Variants in ROBO1 observed in about 807,000 individuals in gnomAD.
ROBO1 encodes the protein roundabout homolog 1.
Under a neutral mutation model 195.9 loss-of-function variants are expected in ROBO1, and 149 were observed. The ratio of observed to expected loss-of-function variants is 0.76; its 90% CI spans 0.67 to 0.87. The LOEUF (loss-of-function observed/expected upper bound fraction) is 0.87. Ranked by LOEUF, ROBO1 falls within the 40% of genes least tolerant of loss-of-function variation. The pLI, the probability that ROBO1 is intolerant of heterozygous loss-of-function variation, is 0.00. For missense variants in ROBO1, 1,933 were observed against 2,068.3 expected, an observed-to-expected ratio of 0.93 and a Z score of 1.27; for synonymous variants, 816 against 733.2, an observed-to-expected ratio of 1.11 and a Z score of -1.82.
At chr3:79,689,477 C>T (rs998348145) in intron 1 of ROBO1, among the ~76,000 whole-genome samples, 3 of 151,764 alleles carry the variant, frequency 2.0e-5, no homozygotes, top group Non-Finnish European at 4.4e-5. Context: ...TTTTGCTATA[C>T]GAGGCTGCTT....
chr3:79,354,360 T>G (rs1055279332), intron 2 of ROBO1, among the ~76,000 whole-genome samples: 3 of 152,222 alleles, frequency 2.0e-5, no homozygotes, highest in African/African-American at 7.2e-5. Context: ...TTCCATCATC[T>G]TATCTCAATC....
Position 78,606,715 on chromosome 3 carries a change from GC to G in ROBO1, c.4744+17del, listed in dbSNP as rs760630589. 3.1e-6 allele frequency: 5 copies of G among 1,609,402 alleles called. No individual in the cohort carries two copies. Among genetic ancestry groups the G allele is most frequent in the East Asian group, 4.5e-5 (2 of 44,800 alleles). ...CACACTCAATCTGTATTTATTTGCT[GC>G]TTGATTGGATGAGTACCTTGGATGA... On this transcript the variant is annotated intron_variant, in intron 29 of 30. Transcript: ENST00000464233.
At chr3:78,909,185 G>A (rs1324297836) in intron 4 of ROBO1, among the ~76,000 whole-genome samples, 2 of 151,614 alleles carry the variant, frequency 1.3e-5, no homozygotes, top group Non-Finnish European at 3.0e-5. Context: ...TACGCCCTGC[G>A]AGAGTCAAAC....
chr3:79,321,899 G>T (rs2033996203), intron 2 of ROBO1, among the ~76,000 whole-genome samples: 1 of 152,130 alleles, frequency 6.6e-6, no homozygotes, highest in African/African-American at 2.4e-5. Flanking sequence ...TATTAGCTGA[G>T]GTAAGTAGTT....
chr3:79,030,903 G>A (rs1241106599), intron 3 of ROBO1, among the ~76,000 whole-genome samples: 1 of 152,030 alleles, frequency 6.6e-6, no homozygotes, highest in East Asian at 1.9e-4. Context: ...TGTGTTTTTA[G>A]TAGAGACGGG....
intron 2 of ROBO1, among the ~76,000 whole-genome samples, chr3:79,349,732 C>G (rs1479992020): frequency 6.6e-6 from 1 of 152,134 alleles, no homozygotes; most frequent in African/African-American, 2.4e-5. Context: ...ATCTTTTCAA[C>G]AAATGGTTCA....
At chr3:79,695,213 A>C (rs1330583414) in intron 1 of ROBO1, among the ~76,000 whole-genome samples, 1 of 151,606 alleles carries the variant, frequency 6.6e-6, no homozygotes, top group Non-Finnish European at 1.5e-5. Flanking sequence ...AATTAAAAAT[A>C]AAAACTAACA....
chr3:78,999,626 T>C (rs1284153901), intron 3 of ROBO1, among the ~76,000 whole-genome samples: 1 of 152,092 alleles, frequency 6.6e-6, no homozygotes, highest in Non-Finnish European at 1.5e-5. Context: ...AGATCATTCT[T>C]ACTCCAAACC....
chr3:79,343,689 T>C (rs1195331421), intron 2 of ROBO1, among the ~76,000 whole-genome samples: 1 of 150,602 alleles, frequency 6.6e-6, no homozygotes, highest in Non-Finnish European at 1.5e-5. Flanking sequence ...AGTAGGGTCC[T>C]ATACATAGGT....
intron 1 of ROBO1, among the ~76,000 whole-genome samples, chr3:79,679,027 T>A (rs562083788): frequency 4.6e-5 from 7 of 152,196 alleles, no homozygotes; most frequent in African/African-American, 1.7e-4. Flanking sequence ...AATATTCTCA[T>A]ACAGAATATT....
intron 2 of ROBO1, among the ~76,000 whole-genome samples, chr3:79,147,327 G>A (rs1163186979): frequency 2.0e-5 from 3 of 151,910 alleles, no homozygotes; most frequent in Non-Finnish European, 4.4e-5. Flanking sequence ...AAGAAGCATG[G>A]CCTACAAAAC....
At chr3:79,544,473 C>A (rs937957791) in intron 2 of ROBO1, among the ~76,000 whole-genome samples, 1 of 151,798 alleles carries the variant, frequency 6.6e-6, no homozygotes, top group Non-Finnish European at 1.5e-5. Context: ...TTGAAACTAA[C>A]TAGATAAAGT....
At chr3:79,673,226 CAATT>C (rs1374161671) in intron 1 of ROBO1, among the ~76,000 whole-genome samples, 1 of 151,872 alleles carries the variant, frequency 6.6e-6, no homozygotes, top group Non-Finnish European at 1.5e-5. Context: ...GCAGATTTAA[CAATT>C]AGTGATAATG....
intron 4 of ROBO1, among the ~76,000 whole-genome samples, chr3:78,900,600 T>C (rs937407701): frequency 3.3e-5 from 5 of 152,184 alleles, no homozygotes; most frequent in Admixed American, 2.6e-4. Context: ...GCAGTTTCAA[T>C]GATGAAAAAC....
chr3:78,664,248 T>C (rs1448642905), intron 14 of ROBO1, among the ~76,000 whole-genome samples: 1 of 152,208 alleles, frequency 6.6e-6, no homozygotes, highest in Non-Finnish European at 1.5e-5. Context: ...GAAGACCTAA[T>C]TGCTCCAGCC....
intron 18 of ROBO1, 29 bp from the exon 19 acceptor site, chr3:78,651,958 G>A (rs1224859949): frequency 6.3e-7 from 1 of 1,580,782 alleles, no homozygotes; most frequent in Non-Finnish European, 8.7e-7. Context: ...ATTAATTTGG[G>A]TTGAAGACTC....
chr3:79,451,080 T>C (rs1380024537), intron 2 of ROBO1, among the ~76,000 whole-genome samples: 3 of 152,086 alleles, frequency 2.0e-5, no homozygotes, highest in African/African-American at 7.2e-5. Context: ...AGATTATTAC[T>C]ACACTTTATA....
At chr3:79,525,936 C>T (rs1231958355) in intron 2 of ROBO1, among the ~76,000 whole-genome samples, 1 of 152,074 alleles carries the variant, frequency 6.6e-6, no homozygotes, top group Non-Finnish European at 1.5e-5. Context: ...ATTTAAGGCT[C>T]TAATTATCTA....
intron 3 of ROBO1, among the ~76,000 whole-genome samples, chr3:79,108,744 A>G (rs975509261): frequency 2.0e-5 from 3 of 151,870 alleles, no homozygotes; most frequent in Non-Finnish European, 2.9e-5. Flanking sequence ...TCTTCAGAAC[A>G]TATTTATTAA....
Sources: allele counts gnomAD v4.1 joint callset (sites outside exome capture counted in the v4.1 genomes callset), GRCh38; gene constraint gnomAD v4.1.1; transcripts MANE v1.5; gene names NCBI Gene and HGNC (gene_info 2026-07-23, HGNC 2026-07-21).